Variants in BET1 observed in about 807,000 individuals in gnomAD.
BET1 encodes the protein Bet1 golgi vesicular membrane trafficking protein.
Under a neutral mutation model 13.9 loss-of-function variants are expected in BET1, and 9 were observed. The ratio of observed to expected loss-of-function variants is 0.65; its 90% CI spans 0.39 to 1.13. The LOEUF is 1.13. BET1 is among the 50% of genes most tolerant of loss of function. The pLI, the probability that BET1 is intolerant of heterozygous loss-of-function variation, is 0.01. For missense variants in BET1, 127 were observed against 133.6 expected (o/e 0.95, Z 0.24); for synonymous variants, 39 against 47.3 (o/e 0.82, Z 0.72).
At chr7:93,991,491 T>C (rs181603970), downstream of BET1, among the ~76,000 whole-genome samples, 174 of 152,314 alleles carry the variant, frequency 1.1e-3, no homozygotes, top group African/African-American at 4.0e-3. Flanking sequence ...ACAACTCTTG[T>C]GTTTCAGTGC....
At chr7:93,996,804 T>C (rs1286778027) in intron 2 of BET1, among the ~76,000 whole-genome samples, 2 of 151,536 alleles carry the variant, frequency 1.3e-5, no homozygotes, top group African/African-American at 2.4e-5. Flanking sequence ...GGATTTGTTG[T>C]ACGGATTATT....
downstream of BET1, chr7:93,992,607 C>A (rs951865918): frequency 6.1e-6 from 6 of 985,148 alleles, no homozygotes; most frequent in Non-Finnish European, 7.2e-6. Flanking sequence ...GATGAAAATA[C>A]CTACTTGGAG....
At chr7:94,000,625 C>T (rs770808161) in intron 1 of BET1, among the ~76,000 whole-genome samples, 4 of 151,886 alleles carry the variant, frequency 2.6e-5, no homozygotes, top group Admixed American at 1.3e-4. Flanking sequence ...AAGAGTTCAT[C>T]GGCCTGAGTT....
chr7:94,002,323 G>T (rs1795922414), intron 1 of BET1, among the ~76,000 whole-genome samples: 1 of 151,536 alleles, frequency 6.6e-6, no homozygotes, highest in African/African-American at 2.4e-5. Flanking sequence ...AGGTCAATAT[G>T]CATTCATACT....
chr7:93,998,071 G>A (rs1408634317), intron 2 of BET1, among the ~76,000 whole-genome samples: 1 of 152,112 alleles, frequency 6.6e-6, no homozygotes, highest in Non-Finnish European at 1.5e-5. Context: ...TAAGGCAAAG[G>A]GATAGTGTGA....
downstream of BET1, chr7:93,992,668 A>G (rs1795661094): frequency 1.0e-6 from 1 of 985,082 alleles, no homozygotes; most frequent in Non-Finnish European, 1.2e-6. Context: ...TGTCCTTAAA[A>G]TAACTACCTT....
At chr7:93,967,342 ATAG>A (rs1307424100) in intron 6 of BET1, among the ~76,000 whole-genome samples, 1 of 151,778 alleles carries the variant, frequency 6.6e-6, no homozygotes, top group Non-Finnish European at 1.5e-5. Context: ...GTTATTTATA[ATAG>A]TGGTAATCCT....
chr7:93,999,592 A>G, intron 1 of BET1: 2 of 471,990 alleles, frequency 4.2e-6, no homozygotes, highest in South Asian at 1.6e-5. Flanking sequence ...AATATTCAGG[A>G]TACATTCCCT....
intron 6 of BET1, among the ~76,000 whole-genome samples, chr7:93,967,684 T>C (rs918669143): frequency 6.6e-6 from 1 of 151,828 alleles, no homozygotes; most frequent in African/African-American, 2.4e-5. Context: ...AAAAATATCT[T>C]GTACTGAAGG....
At chr7:93,979,257 G>A (rs1449131626) in intron 4 of BET1, among the ~76,000 whole-genome samples, 1 of 152,102 alleles carries the variant, frequency 6.6e-6, no homozygotes, top group Non-Finnish European at 1.5e-5. Flanking sequence ...TGGATGCTGG[G>A]TACATAAAAA....
chr7:93,967,364 A>G (rs1415594656), intron 6 of BET1, among the ~76,000 whole-genome samples: 1 of 151,832 alleles, frequency 6.6e-6, no homozygotes, highest in Non-Finnish European at 1.5e-5. Context: ...CTCATACTAC[A>G]AGAGTAGGCA....
chr7:93,995,906 G>T (rs996656227), intron 3 of BET1: 7 of 332,366 alleles, frequency 2.1e-5, no homozygotes, highest in Non-Finnish European at 3.8e-5. Flanking sequence ...ACGACATTTA[G>T]TTGGTTGGAT....
intron 1 of BET1, 117 bp from the exon 2 acceptor site, chr7:93,999,411 T>C (rs1584147519): frequency 1.6e-6 from 2 of 1,247,598 alleles, no homozygotes; most frequent in East Asian, 5.1e-5. Context: ...ATGTCTCTAA[T>C]ATTCATACTC....
At chr7:93,965,081 A>G (rs1026837731) in exon 7 of BET1, 26 of 152,070 alleles carry the variant, frequency 1.7e-4, no homozygotes, top group African/African-American at 6.3e-4. Context: ...AGTGAATATA[A>G]TAACATGTGC....
At chr7:93,998,186 T>C (rs1314933242) in intron 2 of BET1, among the ~76,000 whole-genome samples, 3 of 152,176 alleles carry the variant, frequency 2.0e-5, no homozygotes, top group Non-Finnish European at 4.4e-5. Flanking sequence ...TCTCAAAAGC[T>C]AAGGCCAATT....
chr7:93,989,272 C>T (rs1795585246), downstream of BET1, among the ~76,000 whole-genome samples: 2 of 151,976 alleles, frequency 1.3e-5, no homozygotes, highest in African/African-American at 2.4e-5. Flanking sequence ...CCTCGGCCTT[C>T]CAAAGTGCTG....
intron 5 of BET1, among the ~76,000 whole-genome samples, chr7:93,973,631 C>T (rs1017155952): frequency 2.6e-5 from 4 of 151,882 alleles, no homozygotes; most frequent in African/African-American, 9.7e-5. Flanking sequence ...GATCATGGGG[C>T]GAGAACACAG....
At chr7:93,983,571 C>T (rs954076188) in intron 4 of BET1, among the ~76,000 whole-genome samples, 4 of 152,000 alleles carry the variant, frequency 2.6e-5, no homozygotes, top group Non-Finnish European at 5.9e-5. Context: ...AGCCATGACT[C>T]TGTACAAAAT....
At chr7:93,981,235 A>C (rs1399499145) in intron 4 of BET1, among the ~76,000 whole-genome samples, 1 of 152,124 alleles carries the variant, frequency 6.6e-6, no homozygotes, top group African/African-American at 2.4e-5. Context: ...GGATTTTCCC[A>C]GTTTCAGCAC....
Sources: allele counts gnomAD v4.1 joint callset (sites outside exome capture counted in the v4.1 genomes callset), GRCh38; gene constraint gnomAD v4.1.1; transcripts MANE v1.5; gene names NCBI Gene and HGNC (gene_info 2026-07-23, HGNC 2026-07-21).